Variants in PTPRD observed in about 807,000 individuals in gnomAD.
PTPRD encodes protein tyrosine phosphatase receptor type D, also known as receptor-type tyrosine-protein phosphatase delta.
PTPRD carries 34 observed loss-of-function variants against 214.5 expected under a neutral mutation model. The observed-to-expected ratio is 0.16, with a 90% CI of 0.12 to 0.21. The LOEUF is 0.21. PTPRD is among the 10% of genes least tolerant of loss of function. The pLI is 1.00. For synonymous variants in PTPRD, 1,128 were observed against 845.7 expected, an observed-to-expected ratio of 1.33 and a Z score of -5.79; for missense variants, 2,545 against 2,398.7, an observed-to-expected ratio of 1.06 and a Z score of -1.27.
chr9:9,746,241 G>A (rs540229615), intron 6 of PTPRD, among the ~76,000 whole-genome samples: 5 of 152,108 alleles, frequency 3.3e-5, no homozygotes, highest in South Asian at 4.1e-4. Flanking sequence ...TAAAAGAGAC[G>A]ACATGCTCAG....
At chr9:10,158,485 T>C (rs2154286353) in intron 3 of PTPRD, among the ~76,000 whole-genome samples, 1 of 152,316 alleles carries the variant, frequency 6.6e-6, no homozygotes, top group African/African-American at 2.4e-5. Context: ...GTTAGGAATT[T>C]CTGTTCTAGT....
intron 39 of PTPRD, among the ~76,000 whole-genome samples, chr9:8,357,510 A>T (rs545124054): frequency 6.6e-5 from 10 of 152,350 alleles, no homozygotes; most frequent in African/African-American, 2.2e-4. Flanking sequence ...TATAAGCAGC[A>T]AATATACTGC....
At chr9:10,265,578 T>C (rs1353315376) in intron 3 of PTPRD, among the ~76,000 whole-genome samples, 1 of 152,220 alleles carries the variant, frequency 6.6e-6, no homozygotes, top group African/African-American at 2.4e-5. Context: ...CTGTGGGCCA[T>C]GTGGTCTCTA....
chr9:10,380,263 C>T (rs1158096128), intron 2 of PTPRD, among the ~76,000 whole-genome samples: 1 of 152,072 alleles, frequency 6.6e-6, no homozygotes, highest in Non-Finnish European at 1.5e-5. Context: ...TCCTAAAACG[C>T]TTTGCTATGC....
chr9:9,375,105 G>C (rs1335402533), intron 9 of PTPRD, among the ~76,000 whole-genome samples: 1 of 151,994 alleles, frequency 6.6e-6, no homozygotes, highest in South Asian at 2.1e-4. Context: ...GTGTGTGTTG[G>C]CACATGTGTT....
At chr9:9,073,232 T>A (rs1307087970) in intron 10 of PTPRD, among the ~76,000 whole-genome samples, 6 of 152,190 alleles carry the variant, frequency 3.9e-5, no homozygotes, top group Non-Finnish European at 7.4e-5. Context: ...ACAAGCACTG[T>A]GCAAGGCATT....
At chr9:8,866,564 A>C (rs911241078) in intron 11 of PTPRD, among the ~76,000 whole-genome samples, 1 of 152,184 alleles carries the variant, frequency 6.6e-6, no homozygotes, top group African/African-American at 2.4e-5. Flanking sequence ...TTTATAACTA[A>C]GTGCAAATGT....
chr9:8,383,541 A>G (rs2085874517), intron 37 of PTPRD, among the ~76,000 whole-genome samples: 1 of 152,180 alleles, frequency 6.6e-6, no homozygotes, highest in South Asian at 2.1e-4. Context: ...TGCTTTACTA[A>G]TATATGGCAT....
intron 12 of PTPRD, among the ~76,000 whole-genome samples, chr9:8,638,829 A>T (rs932020548): frequency 2.6e-5 from 4 of 152,052 alleles, no homozygotes; most frequent in African/African-American, 9.7e-5. Flanking sequence ...AAATAATTTT[A>T]TTTTTTATTT....
chr9:9,830,274 T>G (rs924714302), intron 5 of PTPRD, among the ~76,000 whole-genome samples: 1 of 151,850 alleles, frequency 6.6e-6, no homozygotes, highest in Admixed American at 6.6e-5. Flanking sequence ...TATTTTTCAC[T>G]TATAAATTTA....
In PTPRD at chr9:9,091,791, T is replaced by G. The variant is rs184196083; in HGVS notation, c.-142-73056A>C. ...TCCATTGAAGAATTGAACTTTCAGG[T>G]TGGGGCAAATGGGATACTGTTTACT... On this transcript the variant is annotated intron_variant, in intron 10 of 45. Coordinates refer to ENST00000381196, the MANE Select transcript of PTPRD (RefSeq NM_002839.4). Among the ~76,000 whole-genome samples the G allele has an allele frequency of 1.1e-4, 17 of 152,290 alleles. No individual in the cohort carries two copies. In the East Asian group the frequency reaches 3.3e-3, roughly 29 times the overall value.
chr9:8,889,302 C>T (rs929076373), intron 11 of PTPRD, among the ~76,000 whole-genome samples: 3 of 151,966 alleles, frequency 2.0e-5, no homozygotes, highest in East Asian at 1.9e-4. Context: ...AGAGAAATTG[C>T]GTAATATGTA....
chr9:10,247,570 C>G (rs1193568319), intron 3 of PTPRD, among the ~76,000 whole-genome samples: 1 of 152,192 alleles, frequency 6.6e-6, no homozygotes, highest in South Asian at 2.1e-4. Context: ...GTTATAGTTG[C>G]TGTCACATTT....
chr9:8,478,510 C>T lies in PTPRD; in HGVS notation c.3413+5609G>A, dbSNP rs188258751. ...TGAGTACCTTCTGGTAGTTTTTTCT[C>T]CTAGTATAATCTGTGTTGTGCATTT... On this transcript the variant is annotated intron_variant, in intron 30 of 45. Transcript: ENST00000381196. Among the ~76,000 whole-genome samples the T allele has an allele frequency of 5.7e-3, 805 of 141,614 alleles. 7 individuals are homozygous for T. The highest frequency in any genetic ancestry group is 0.024 in the African/African-American group (759 of 31,636). The allele number at this position is 141,614 out of a possible 152,430, so 92.9% of individuals were successfully genotyped here.
chr9:8,322,234 A>ACAGTGTAGGGCCTAATTTGTAGGGCCTAC lies in PTPRD; in HGVS notation c.5535-2269_5535-2268insGTAGGCCCTACAAATTAGGCCCTACACTG, dbSNP rs571307912. Among the ~76,000 whole-genome samples, 104 of 152,298 alleles carry ACAGTGTAGGGCCTAATTTGTAGGGCCTAC rather than the reference A, an allele frequency of 6.8e-4. 1 individual carries two copies. In the East Asian group the frequency reaches 0.012, roughly 17 times the overall value. On this transcript the variant is annotated intron_variant, in intron 44 of 45. Transcript: ENST00000381196. Reference sequence around the variant, plus strand: ...AGTTAATAACCCTACAATGGCCTCTAAGTGTTCAAGTGAAAGGGAGAGTCG... The same window carrying ACAGTGTAGGGCCTAATTTGTAGGGCCTAC: ...AGTTAATAACCCTACAATGGCCTCTACAGTGTAGGGCCTAATTTGTAGGGCCTACAGTGTTCAAGTGAAAGGGAGAGTCG...
intron 3 of PTPRD, among the ~76,000 whole-genome samples, chr9:10,140,207 A>T (rs1430636319): frequency 6.6e-6 from 1 of 152,018 alleles, no homozygotes; most frequent in Non-Finnish European, 1.5e-5. Flanking sequence ...AATATCCAGA[A>T]TCTATAAGAA....
chr9:9,288,965 C>G (rs1220756476), intron 9 of PTPRD, among the ~76,000 whole-genome samples: 1 of 151,816 alleles, frequency 6.6e-6, no homozygotes, highest in Non-Finnish European at 1.5e-5. Flanking sequence ...TATAAGTTTC[C>G]TGTAGGCTCC....
intron 3 of PTPRD, among the ~76,000 whole-genome samples, chr9:10,208,509 G>A (rs993329705): frequency 4.6e-5 from 7 of 152,174 alleles, no homozygotes; most frequent in African/African-American, 7.2e-5. Context: ...GCGAGACTGC[G>A]TCTCAAAAAA....
intron 14 of PTPRD, among the ~76,000 whole-genome samples, chr9:8,568,905 G>C (rs2090257422): frequency 6.6e-6 from 1 of 151,578 alleles, no homozygotes; most frequent in African/African-American, 2.4e-5. Context: ...GCTTTTGTGT[G>C]TCATTAGCAC....
Sources: allele counts gnomAD v4.1 joint callset (sites outside exome capture counted in the v4.1 genomes callset), GRCh38; gene constraint gnomAD v4.1.1; transcripts MANE v1.5; gene names NCBI Gene and HGNC (gene_info 2026-07-23, HGNC 2026-07-21).